DNAJC24: variants seen among roughly 807,000 people sequenced by gnomAD.
The protein encoded by DNAJC24 is dnaJ homolog subfamily C member 24.
DNAJC24 carries 17 observed loss-of-function variants against 18.0 expected under a neutral mutation model. The observed-to-expected ratio is 0.94, with a 90% CI of 0.65 to 1.42. DNAJC24 has a LOEUF of 1.42. DNAJC24 is among the 40% of genes most tolerant of loss of function. The probability of loss-of-function intolerance (pLI) is 0.00; values close to 1 mark genes in which losing one functional copy is unlikely to be tolerated. For missense variants in DNAJC24, 158 were observed against 175.6 expected (o/e 0.90, Z 0.57); for synonymous variants, 55 against 57.7 (o/e 0.95, Z 0.21).
At chr11:31,385,199 T>C (rs1952416133) in intron 2 of DNAJC24, 1 of 152,198 alleles carries the variant, frequency 6.6e-6, no homozygotes, top group African/African-American at 2.4e-5. Flanking sequence ...AGCATTCAAC[T>C]GGAGCAATTT....
At chr11:31,405,317 G>A (rs1291029723) in intron 2 of DNAJC24, among the ~76,000 whole-genome samples, 4 of 151,422 alleles carry the variant, frequency 2.6e-5, no homozygotes, top group African/African-American at 7.3e-5. Context: ...TGATCTGCCC[G>A]CCTTGGCCTC....
At chr11:31,430,203 C>G in intron 4 of DNAJC24, 68 bp from the exon 5 acceptor site, 1 of 1,390,218 alleles carries the variant, frequency 7.2e-7, no homozygotes, top group East Asian at 2.4e-5. Context: ...AAACTCTGCA[C>G]CTTTTAAGGG....
intron 2 of DNAJC24, among the ~76,000 whole-genome samples, chr11:31,403,941 G>C (rs76128945): frequency 0.02 from 3,014 of 152,282 alleles, 86 homozygotes; most frequent in African/African-American, 0.068. Context: ...GAGGGCTGTT[G>C]GTTGCCCATT....
At chr11:31,378,211 G>A (rs1330424276) in intron 2 of DNAJC24, among the ~76,000 whole-genome samples, 1 of 152,044 alleles carries the variant, frequency 6.6e-6, no homozygotes, top group Non-Finnish European at 1.5e-5. Flanking sequence ...AAAAAATCTA[G>A]GAGTGTTGTA....
intron 2 of DNAJC24, among the ~76,000 whole-genome samples, chr11:31,395,133 C>G (rs1482193060): frequency 6.6e-6 from 1 of 152,146 alleles, no homozygotes; most frequent in Non-Finnish European, 1.5e-5. Context: ...ACATGCAGTA[C>G]TTGGTTTTCT....
chr11:31,371,887 G>C (rs1330443994), intron 2 of DNAJC24, among the ~76,000 whole-genome samples: 1 of 140,844 alleles, frequency 7.1e-6, no homozygotes, highest in Non-Finnish European at 1.5e-5. Context: ...GCAATGGTGC[G>C]ATCTTGGCAC....
intron 2 of DNAJC24, among the ~76,000 whole-genome samples, chr11:31,406,065 T>G (rs1168687782): frequency 6.6e-6 from 1 of 152,220 alleles, no homozygotes; most frequent in Non-Finnish European, 1.5e-5. Flanking sequence ...AGTTTTGGAT[T>G]GGGCACACGT....
chr11:31,420,391 T>C (rs1176457323), intron 3 of DNAJC24, among the ~76,000 whole-genome samples: 1 of 152,116 alleles, frequency 6.6e-6, no homozygotes, highest in East Asian at 1.9e-4. Flanking sequence ...AGACACAGAA[T>C]TGTAGGTCCG....
At chr11:31,399,747 T>C (rs565081507) in intron 2 of DNAJC24, among the ~76,000 whole-genome samples, 146 of 147,476 alleles carry the variant, frequency 9.9e-4, no homozygotes, top group African/African-American at 3.0e-3. Context: ...TTCTTTTTTT[T>C]TTTTTTTTTT....
chr11:31,397,248 T>C (rs1171468504), intron 2 of DNAJC24, among the ~76,000 whole-genome samples: 1 of 152,196 alleles, frequency 6.6e-6, no homozygotes, highest in African/African-American at 2.4e-5. Context: ...TGTTGTAAGG[T>C]AGTAAATAAT....
At position 31,390,983 on chromosome 11, in the gene DNAJC24, A is replaced by G. The variant is rs1952489538; in HGVS notation, c.111+20124A>G. Among the ~76,000 whole-genome samples, 3 of 152,200 alleles carry G rather than the reference A, an allele frequency of 2.0e-5. No homozygotes were observed. The South Asian group carries it at 6.2e-4, about 31-fold the overall frequency. ...GTCCTCAACAGAATACTAGCAAACCAGATTCAAAAGATCATTCTTCGTGAC... is the reference window on the plus strand; with the variant it reads ...GTCCTCAACAGAATACTAGCAAACCGGATTCAAAAGATCATTCTTCGTGAC... On this transcript the variant is annotated intron_variant, in intron 2 of 4. Transcript: ENST00000465995.
rs1378095880 is a variant in DNAJC24 at position 31,372,612 on chromosome 11, C to T, written c.111+1753C>T. On this transcript the variant is annotated intron_variant, in intron 2 of 4. Transcript: ENST00000465995. ...GTAGGCCATGCTGGCCTTTAATTGGCCACTGAGAAGCAGTCTGCACATAAT... is the reference window on the plus strand; with the variant it reads ...GTAGGCCATGCTGGCCTTTAATTGGTCACTGAGAAGCAGTCTGCACATAAT... Among the ~76,000 whole-genome samples, 9 of 135,650 alleles carry T rather than the reference C, an allele frequency of 6.6e-5. 1 individual carries two copies. Among genetic ancestry groups the T allele is most frequent in the African/African-American group, 2.2e-4 (9 of 40,376 alleles). The allele number at this position is 135,650 out of a possible 152,430, so 89.0% of individuals were successfully genotyped here.
At chr11:31,371,130 T>C (rs1952239469) in intron 2 of DNAJC24, among the ~76,000 whole-genome samples, 1 of 152,164 alleles carries the variant, frequency 6.6e-6, no homozygotes, top group African/African-American at 2.4e-5. Context: ...CTTTTTCTTA[T>C]ATGTGCCAAG....
intron 2 of DNAJC24, among the ~76,000 whole-genome samples, chr11:31,400,909 A>G (rs1952594601): frequency 6.6e-6 from 1 of 152,246 alleles, no homozygotes; most frequent in Non-Finnish European, 1.5e-5. Flanking sequence ...GCTTCTGTAC[A>G]GCAAAAGAAA....
chr11:31,382,723 C>T (rs1952388222), intron 2 of DNAJC24, among the ~76,000 whole-genome samples: 1 of 152,156 alleles, frequency 6.6e-6, no homozygotes, highest in African/African-American at 2.4e-5. Context: ...GGTTTTCTCC[C>T]CACATGCCAA....
At chr11:31,424,500 T>C (rs1459164473) in intron 3 of DNAJC24, among the ~76,000 whole-genome samples, 2 of 152,170 alleles carry the variant, frequency 1.3e-5, no homozygotes, top group Non-Finnish European at 2.9e-5. Context: ...TTTTTAAAAA[T>C]AGGAGTATCT....
In DNAJC24 at chr11:31,401,542, C is replaced by A. The variant is rs530361886; in HGVS notation, c.112-13269C>A. Among the ~76,000 whole-genome samples, 5 of 152,104 alleles carry A rather than the reference C, an allele frequency of 3.3e-5. 1 individual carries two copies. The South Asian group carries it at 6.2e-4, about 19-fold the overall frequency. ...TCCTCCTGCTTCCCCTCCGCCCCCC[C>A]ACTTCCTCCTCTGTTTTTCTCTTTT... On this transcript the variant is annotated intron_variant, in intron 2 of 4. Transcript: ENST00000465995.
intron 2 of DNAJC24, among the ~76,000 whole-genome samples, chr11:31,371,849 G>T (rs1952266005): frequency 1.9e-5 from 2 of 104,498 alleles, no homozygotes; most frequent in Non-Finnish European, 1.9e-5. Flanking sequence ...TTGAGATGGA[G>T]TTTTACTCTT....
At chr11:31,392,599 A>G (rs942828897) in intron 2 of DNAJC24, among the ~76,000 whole-genome samples, 1 of 152,040 alleles carries the variant, frequency 6.6e-6, no homozygotes, top group African/African-American at 2.4e-5. Flanking sequence ...TAAATTTAGA[A>G]TTCTGTGAGG....
Sources: gnomAD v4.1 joint callset for allele counts (sites outside exome capture counted in the v4.1 genomes callset) on GRCh38, gnomAD v4.1.1 for gene constraint, MANE v1.5 for transcripts, NCBI Gene and HGNC (gene_info 2026-07-23, HGNC 2026-07-21) for gene names.